Variants in DENND1A observed in about 807,000 individuals in gnomAD.
DENND1A encodes the protein DENN domain-containing protein 1A.
In DENND1A, 51 loss-of-function variants were observed where a neutral mutation model predicts 113.7. The ratio of observed to expected loss-of-function variants is 0.45; its 90% confidence interval spans 0.36 to 0.57. The LOEUF (loss-of-function observed/expected upper bound fraction) is 0.57, where lower values mean the gene tolerates loss of function less well. Among genes scored for constraint, DENND1A ranks in the 20% least tolerant of loss-of-function variants. The probability of loss-of-function intolerance (pLI) is 0.00; values close to 1 mark genes in which losing one functional copy is unlikely to be tolerated. For synonymous variants in DENND1A, 565 were observed against 570.8 expected (o/e 0.99, Z 0.14); for missense variants, 1,258 against 1,395.9 (o/e 0.90, Z 1.57).
chr9:123,492,645 G>A (rs2051477493), intron 13 of DENND1A: 1 of 152,174 alleles, frequency 6.6e-6, no homozygotes, highest in Non-Finnish European at 1.5e-5. Flanking sequence ...AATTTTTCTT[G>A]TTCTGCCTTC....
chr9:123,744,770 C>CTTTTTTT (rs57945475), intron 5 of DENND1A, among the ~76,000 whole-genome samples: 2 of 102,730 alleles, frequency 1.9e-5, no homozygotes, highest in African/African-American at 3.7e-5. Flanking sequence ...TATATTAGCT[C>CTTTTTTT]TTTTTTTTTT....
intron 21 of DENND1A, 45 bp from the exon 22 acceptor site, chr9:123,387,903 GCGCCCTCAGAA>G (rs2130962200): frequency 7.8e-7 from 1 of 1,280,684 alleles, no homozygotes; most frequent in Middle Eastern, 2.2e-4. Context: ...GCAGTTAGGG[GCGCCCTCAGAA>G]CTTCACGTGC....
chr9:123,419,635 G>C (rs1042811265), intron 19 of DENND1A, among the ~76,000 whole-genome samples: 1 of 152,216 alleles, frequency 6.6e-6, no homozygotes, highest in Non-Finnish European at 1.5e-5. Flanking sequence ...CCTCTGCGCC[G>C]AGAGCAAGGC....
intron 11 of DENND1A, among the ~76,000 whole-genome samples, chr9:123,607,976 G>A (rs557750057): frequency 6.6e-6 from 1 of 152,216 alleles, no homozygotes; most frequent in Admixed American, 6.5e-5. Flanking sequence ...CGGTCCATTG[G>A]TAAGTATTTA....
chr9:123,740,849 C>T (rs140138882), intron 5 of DENND1A, among the ~76,000 whole-genome samples: 2 of 135,576 alleles, frequency 1.5e-5, no homozygotes, highest in Non-Finnish European at 3.1e-5. Flanking sequence ...CTACTTTCTG[C>T]GGAAGAAATA....
chr9:123,386,191 CTT>C (rs1295343045), intron 22 of DENND1A, among the ~76,000 whole-genome samples: 1 of 152,042 alleles, frequency 6.6e-6, no homozygotes, highest in East Asian at 1.9e-4. Context: ...TAAAGGTTCT[CTT>C]TTTGTTCTAA....
intron 13 of DENND1A, among the ~76,000 whole-genome samples, chr9:123,516,107 T>TACACACACAC (rs199923277): frequency 3.6e-5 from 5 of 138,578 alleles, no homozygotes; most frequent in African/African-American, 1.4e-4. Flanking sequence ...TACACACACA[T>TACACACACAC]ACACACACAC....
At chr9:123,911,185 A>G (rs76924767) in intron 1 of DENND1A, among the ~76,000 whole-genome samples, 5,796 of 152,318 alleles carry the variant, frequency 0.038, 114 homozygotes, top group Middle Eastern at 0.048. Flanking sequence ...AACATGAGTA[A>G]TCAGTCATCA....
intron 4 of DENND1A, among the ~76,000 whole-genome samples, chr9:123,761,727 CA>C (rs1264924990): frequency 2.0e-5 from 3 of 152,132 alleles, no homozygotes; most frequent in African/African-American, 7.2e-5. Context: ...GGACAATTTC[CA>C]ATAAACTAAA....
intron 13 of DENND1A, among the ~76,000 whole-genome samples, chr9:123,524,134 CA>C (rs2054616406): frequency 6.6e-6 from 1 of 152,176 alleles, no homozygotes; most frequent in African/African-American, 2.4e-5. Flanking sequence ...TATAATTACC[CA>C]GGGGGAAACC....
chr9:123,763,754 C>T (rs2071236219), intron 4 of DENND1A, among the ~76,000 whole-genome samples: 1 of 152,004 alleles, frequency 6.6e-6, no homozygotes, highest in Admixed American at 6.6e-5. Context: ...GAGTGGTCAA[C>T]TGTATTGATG....
chr9:123,791,871 T>C (rs1378221821), intron 3 of DENND1A, among the ~76,000 whole-genome samples: 1 of 152,196 alleles, frequency 6.6e-6, no homozygotes. Context: ...GAACTAAAAA[T>C]GTAAGGTGCC....
At chr9:123,724,067 C>T (rs2067524536) in intron 5 of DENND1A, among the ~76,000 whole-genome samples, 1 of 152,166 alleles carries the variant, frequency 6.6e-6, no homozygotes, top group Admixed American at 6.5e-5. Context: ...TCCAAATTTC[C>T]CTCCCTTCTT....
At chr9:123,843,370 T>C (rs992283636) in intron 2 of DENND1A, 1 of 341,304 alleles carries the variant, frequency 2.9e-6, no homozygotes, top group African/African-American at 2.2e-5. Flanking sequence ...GAAACATTTT[T>C]ATTTGCAGTC....
chr9:123,879,024 A>G lies in DENND1A; in HGVS notation c.18-3T>C, dbSNP rs994613392. ...CAAATGTGGTCTCTGGATTCTGCCT[A>G]CAAAAGAAACAGATCATGATTACTG... On this transcript the variant is annotated splice_region_variant and splice_polypyrimidine_tract_variant and intron_variant, in intron 1 of 23. Transcript: ENST00000394215. 5.6e-6 allele frequency: 9 copies of G among 1,613,646 alleles called. No individual in the cohort carries two copies. Among genetic ancestry groups the G allele is most frequent in the Non-Finnish European group, 6.8e-6 (8 of 1,179,870 alleles).
chr9:123,478,000 C>T (rs937309797), intron 13 of DENND1A, among the ~76,000 whole-genome samples: 1 of 152,200 alleles, frequency 6.6e-6, no homozygotes, highest in African/African-American at 2.4e-5. Flanking sequence ...GGGCTCTTCA[C>T]TGGGACATGT....
intron 2 of DENND1A, among the ~76,000 whole-genome samples, chr9:123,867,261 AGTC>A (rs763815787): frequency 1.3e-5 from 2 of 152,206 alleles, no homozygotes; most frequent in Non-Finnish European, 2.9e-5. Flanking sequence ...TTTTAAAAAA[AGTC>A]TTCTAAGCAT....
intron 21 of DENND1A, among the ~76,000 whole-genome samples, chr9:123,392,823 TC>T (rs2042925471): frequency 6.6e-6 from 1 of 152,140 alleles, no homozygotes; most frequent in Non-Finnish European, 1.5e-5. Context: ...TCCTACCCTT[TC>T]CCTGCCGAGG....
In DENND1A at chr9:123,381,509, C is replaced by T. The variant is rs779124894; in HGVS notation, c.3136G>A (p.Val1046Met). 6.8e-6 allele frequency: 11 copies of T among 1,613,394 alleles called. No individual in the cohort carries two copies. In the East Asian group the frequency reaches 8.9e-5, roughly 13 times the overall value. The change falls in exon 24 of 24, where the codon GTG (valine) becomes ATG (methionine). Residue 1046 changes from valine (V) to methionine (M), a missense_variant. Transcript: ENST00000394215. The surrounding 1 kb of genome is among the most constrained non-coding windows in gnomAD (Gnocchi z 4.7). Reference protein sequence around the residue: ...EDLLQKTKQDVSPSPALAPAP... With the variant: ...EDLLQKTKQDMSPSPALAPAP... ...GGGGCCAGGGCCGGACTCGGGCTCA[C>T]GTCTTGCTTGGTTTTCTGTAACAAA... is the stretch of plus-strand genomic sequence containing the variant.
Sources: gnomAD v4.1 joint callset for allele counts (sites outside exome capture counted in the v4.1 genomes callset) on GRCh38, gnomAD v4.1.1 for gene constraint, Gnocchi (gnomAD v3.1) non-coding constraint, MANE v1.5 for transcripts, NCBI Gene and HGNC (gene_info 2026-07-23, HGNC 2026-07-21) for gene names.